DTNB: variants seen among roughly 807,000 people sequenced by gnomAD.
DTNB encodes DTN-B.
A neutral mutation model predicts 90.7 loss-of-function variants in DTNB; 63 were observed. The ratio of observed to expected loss-of-function variants is 0.69; its 90% CI spans 0.57 to 0.86. The LOEUF (loss-of-function observed/expected upper bound fraction) is 0.86, where lower values mean the gene tolerates loss of function less well. DTNB is among the 40% of genes least tolerant of loss of function. The probability of loss-of-function intolerance (pLI) is 0.00; values close to 1 mark genes in which losing one functional copy is unlikely to be tolerated. For missense variants in DTNB, 744 were observed against 807.1 expected (o/e 0.92, Z 0.95); for synonymous variants, 277 against 286.7 (o/e 0.97, Z 0.34).
Position 25,403,176 on chromosome 2 carries a change from C to T in DTNB, c.1576-14815G>A, listed in dbSNP as rs536825679. Among the ~76,000 whole-genome samples the T allele has an allele frequency of 1.4e-3, 211 of 152,258 alleles. 1 individual carries two copies. Among genetic ancestry groups the T allele is most frequent in the African/African-American group, 4.6e-3 (192 of 41,556 alleles). ...TGTCACCCAGGCTGGAGCGCAGTGGCGCAATCTCGGCTCACTGCAACCTCC... is the reference window on the plus strand; with the variant it reads ...TGTCACCCAGGCTGGAGCGCAGTGGTGCAATCTCGGCTCACTGCAACCTCC... On this transcript the variant is annotated intron_variant, in intron 16 of 20. Transcript: ENST00000406818.
intron 6 of DTNB, among the ~76,000 whole-genome samples, chr2:25,584,365 T>C (rs1312153196): frequency 6.6e-6 from 1 of 152,170 alleles, no homozygotes; most frequent in Admixed American, 6.5e-5. Context: ...ATTGAATGGA[T>C]AAGCAAACAT....
At chr2:25,616,019 T>C (rs2070362867) in intron 4 of DTNB, among the ~76,000 whole-genome samples, 1 of 152,218 alleles carries the variant, frequency 6.6e-6, no homozygotes, top group Admixed American at 6.5e-5. Context: ...TTGGCAGTGA[T>C]AAATCAAAGG....
Position 25,628,344 on chromosome 2 carries a change from T to C in DTNB, c.189A>G (p.Arg63=). The C allele has an allele frequency of 6.2e-7, 1 of 1,613,420 alleles. No individual in the cohort carries two copies. Among genetic ancestry groups the C allele is most frequent in the South Asian group, 1.1e-5 (1 of 90,986 alleles). ...VDIWNMIEAF[R]DNGLNTLDHT... ...GGTCCAGTGTATTAAGGCCATTGTC[T>C]CGGAAGGCTTCAATCATGTTCCAGA... Residue 63 remains arginine, a synonymous_variant, in exon 4 of 21, where the codon CGA becomes CGG. Coordinates refer to ENST00000406818, the MANE Select transcript of DTNB (RefSeq NM_021907.5).
chr2:25,540,732 A>G (rs972593781), intron 8 of DTNB, among the ~76,000 whole-genome samples: 5 of 152,272 alleles, frequency 3.3e-5, no homozygotes, highest in Middle Eastern at 3.4e-3. Flanking sequence ...CTGTTGATCT[A>G]TGACCTTACC....
intron 9 of DTNB, among the ~76,000 whole-genome samples, chr2:25,485,726 C>T (rs115097604): frequency 0.011 from 1,720 of 152,090 alleles, 34 homozygotes; most frequent in African/African-American, 0.04. Flanking sequence ...TCACTAGAGC[C>T]ACGACTCACC....
chr2:25,523,656 AAAG>A (rs2076557641), intron 9 of DTNB, among the ~76,000 whole-genome samples: 7 of 151,744 alleles, frequency 4.6e-5, no homozygotes, highest in Admixed American at 4.6e-4. Context: ...AAAAAAAAAA[AAAG>A]AACTGCTACT....
intron 18 of DTNB, among the ~76,000 whole-genome samples, chr2:25,385,764 A>G (rs558945060): frequency 6.6e-6 from 1 of 152,304 alleles, no homozygotes; most frequent in South Asian, 2.1e-4. Flanking sequence ...TTACTATGAG[A>G]CACTGCTGAG....
chr2:25,387,237 C>A lies in DTNB; in HGVS notation c.1825+52G>T. 6.4e-7 allele frequency: 1 copy of A among 1,564,586 alleles called. No individual in the cohort carries two copies. Among genetic ancestry groups the A allele is most frequent in the Non-Finnish European group, 8.7e-7 (1 of 1,144,162 alleles). ...GGTGCTGGCAAGGAAGTGAGAAGGG[C>A]GCGGGCAAGGCAGGGGAGGCCAGGA... On this transcript the variant is annotated intron_variant, in intron 18 of 20. Coordinates refer to ENST00000406818, the MANE Select transcript of DTNB (RefSeq NM_021907.5). The surrounding 1 kb of genome is among the most constrained non-coding windows in gnomAD (Gnocchi z 4.5).
At chr2:25,505,610 T>C (rs1206727119) in intron 9 of DTNB, among the ~76,000 whole-genome samples, 1 of 152,198 alleles carries the variant, frequency 6.6e-6, no homozygotes, top group Non-Finnish European at 1.5e-5. Context: ...GATCAACTTA[T>C]ATTTGGGGTT....
intron 10 of DTNB, among the ~76,000 whole-genome samples, chr2:25,463,889 G>A (rs749538265): frequency 6.6e-6 from 1 of 152,154 alleles, no homozygotes; most frequent in Admixed American, 6.5e-5. Flanking sequence ...GTGCATATAC[G>A]CATACTGATT....
At chr2:25,481,132 CT>C (rs1320531318) in intron 10 of DTNB, among the ~76,000 whole-genome samples, 3 of 151,946 alleles carry the variant, frequency 2.0e-5, no homozygotes, top group African/African-American at 7.3e-5. Context: ...GGTATGGTGG[CT>C]CGTGCCCGTA....
chr2:25,420,596 A>C (rs990137767), intron 15 of DTNB, among the ~76,000 whole-genome samples: 1 of 151,722 alleles, frequency 6.6e-6, no homozygotes, highest in African/African-American at 2.4e-5. Context: ...GCTCACTGCA[A>C]CCTCCACCTC....
chr2:25,413,121 T>C (rs1301413912), intron 16 of DTNB, among the ~76,000 whole-genome samples: 3 of 152,258 alleles, frequency 2.0e-5, no homozygotes, highest in Admixed American at 2.0e-4. Context: ...CATGTATCAG[T>C]ATATTTTCTT....
chr2:25,507,241 C>T (rs868327798), intron 9 of DTNB, among the ~76,000 whole-genome samples: 16 of 152,170 alleles, frequency 1.1e-4, no homozygotes, highest in African/African-American at 3.1e-4. Context: ...TTGGATCCAG[C>T]AGTACTTTAG....
At chr2:25,519,093 G>C (rs1418023799) in intron 9 of DTNB, among the ~76,000 whole-genome samples, 1 of 152,182 alleles carries the variant, frequency 6.6e-6, no homozygotes. Flanking sequence ...GCCAGGCACA[G>C]TGGCTCATGT....
At chr2:25,644,212 T>C (rs2078958515) in intron 2 of DTNB, among the ~76,000 whole-genome samples, 1 of 152,234 alleles carries the variant, frequency 6.6e-6, no homozygotes, top group Non-Finnish European at 1.5e-5. Flanking sequence ...TAAGCTTGCT[T>C]TCACTTTACG....
chr2:25,411,124 C>T (rs2046489969), intron 16 of DTNB, among the ~76,000 whole-genome samples: 2 of 151,750 alleles, frequency 1.3e-5, no homozygotes, highest in South Asian at 4.2e-4. Context: ...TTTGGGAGGT[C>T]GAGGCAGGCA....
intron 4 of DTNB, among the ~76,000 whole-genome samples, chr2:25,608,349 A>ATATT (rs1326871696): frequency 4.6e-5 from 7 of 152,254 alleles, no homozygotes; most frequent in Admixed American, 4.6e-4. Flanking sequence ...CAAATAGCCT[A>ATATT]TACGCTAGAA....
At chr2:25,402,765 A>G (rs2044074111) in intron 16 of DTNB, among the ~76,000 whole-genome samples, 1 of 152,144 alleles carries the variant, frequency 6.6e-6, no homozygotes, top group Non-Finnish European at 1.5e-5. Flanking sequence ...CTATTCTAGG[A>G]CTGCTGGATG....
Sources: allele counts gnomAD v4.1 joint callset (sites outside exome capture counted in the v4.1 genomes callset), GRCh38; gene constraint gnomAD v4.1.1; non-coding constraint Gnocchi (gnomAD v3.1); transcripts MANE v1.5; gene names NCBI Gene and HGNC (gene_info 2026-07-23, HGNC 2026-07-21).